CYP27A1: variants seen among roughly 807,000 people sequenced by gnomAD.
CYP27A1 encodes the protein cytochrome P450 family 27 subfamily A member 1, also known as sterol 26-hydroxylase, mitochondrial.
A neutral mutation model predicts 58.2 loss-of-function variants in CYP27A1; 46 were observed. That is an observed-to-expected ratio of 0.79 (90% confidence interval 0.62 to 1.01). CYP27A1 has a LOEUF of 1.01. Among genes scored for constraint, CYP27A1 ranks in the 50% least tolerant of loss-of-function variants. The probability of loss-of-function intolerance (pLI) is 0.00; values close to 1 mark genes in which losing one functional copy is unlikely to be tolerated. For synonymous variants in CYP27A1, 274 were observed against 285.1 expected (o/e 0.96, Z 0.39); for missense variants, 704 against 687.0 (o/e 1.02, Z -0.28).
intron 2 of CYP27A1, among the ~76,000 whole-genome samples, chr2:218,811,620 A>G (rs1443996413): frequency 3.9e-5 from 6 of 152,158 alleles, no homozygotes; most frequent in South Asian, 2.1e-4. Context: ...AGCCTACAGC[A>G]TCAGCCTCGT....
chr2:218,797,346 C>CTT (rs1943557359), intron 1 of CYP27A1, among the ~76,000 whole-genome samples: 1 of 152,152 alleles, frequency 6.6e-6, no homozygotes, highest in Admixed American at 6.5e-5. Flanking sequence ...GGTGACCCAC[C>CTT]TACCTTGCCT....
intron 1 of CYP27A1, among the ~76,000 whole-genome samples, chr2:218,805,549 C>G (rs184322684): frequency 6.6e-6 from 1 of 152,280 alleles, no homozygotes; most frequent in African/African-American, 2.4e-5. Context: ...GGCCCATGCA[C>G]TAGGATAAGA....
intron 1 of CYP27A1, among the ~76,000 whole-genome samples, chr2:218,793,558 T>C (rs1943516913): frequency 6.6e-6 from 1 of 152,102 alleles, no homozygotes; most frequent in Non-Finnish European, 1.5e-5. Flanking sequence ...CTACAGAAAA[T>C]TTTATCCAAA....
In CYP27A1 at chr2:218,814,569, G is replaced by A; in HGVS notation, c.1288G>A (p.Val430Met). The A allele has an allele frequency of 1.2e-6, 2 of 1,614,220 alleles. No individual in the cohort carries two copies. Among genetic ancestry groups the A allele is most frequent in the African/African-American group, 2.7e-5 (2 of 75,062 alleles). ...GACCCAGTTTGTGTTCTGCCACTAT[G>A]TGGTGTCCCGGGACCCCACTGCCTT... Reference protein sequence around the residue: ...KNTQFVFCHYVVSRDPTAFSE... With the variant: ...KNTQFVFCHYMVSRDPTAFSE... Residue 430 changes from valine to methionine, a missense_variant, in exon 8 of 9, where the codon GTG (valine) becomes ATG (methionine). By Grantham distance (21) the Val-to-Met change is conservative. Coordinates refer to ENST00000258415, the MANE Select transcript of CYP27A1 (RefSeq NM_000784.4).
Position 218,782,437 on chromosome 2 carries a change from G to A in CYP27A1, c.255G>A (p.Gln85=), listed in dbSNP as rs374941032. 12 of 1,614,088 alleles carry A rather than the reference G, an allele frequency of 7.4e-6. No individual in the cohort carries two copies. The highest frequency in any genetic ancestry group is 6.7e-5 in the African/African-American group (5 of 74,960). The change falls in exon 1 of 9, where the codon CAG becomes CAA. Residue 85 remains glutamine, a splice_region_variant and synonymous_variant. Transcript: ENST00000258415. This position sits in a 1 kb window ranked among gnomAD's most constrained non-coding sequence, Gnocchi z 4.1. The part of the protein sequence containing the change: ...QGYALQLHQL[Q]VLYKAKYGPM... ...ATGCCCTGCAACTGCACCAGTTACA[G>A]GTAACCCGCGGGGGCATCGCGTCCT...
Position 218,814,927 on chromosome 2 carries a change from A to G in CYP27A1, c.1493A>G (p.Lys498Arg). The G allele has an allele frequency of 1.2e-6, 2 of 1,614,224 alleles. No homozygotes were observed. The highest frequency in any genetic ancestry group is 1.7e-6 in the Non-Finnish European group (2 of 1,180,044). ...LLLARLIQKYKVVLAPETGEL... is the reference protein window; with the variant it reads ...LLLARLIQKYRVVLAPETGEL... ...ACCCCCCAGCTGATCCAGAAGTACAAGGTGGTCCTGGCCCCGGAGACGGGG... is the reference window on the plus strand; with the variant it reads ...ACCCCCCAGCTGATCCAGAAGTACAGGGTGGTCCTGGCCCCGGAGACGGGG... The change falls in exon 9 of 9, where the codon AAG (lysine) becomes AGG (arginine). Residue 498 changes from lysine (K) to arginine (R), a missense_variant. By Grantham distance (26) the Lys-to-Arg change is conservative. Coordinates refer to ENST00000258415, the MANE Select transcript of CYP27A1 (RefSeq NM_000784.4).
chr2:218,807,558 A>C (rs889408808), intron 1 of CYP27A1, among the ~76,000 whole-genome samples: 1 of 152,148 alleles, frequency 6.6e-6, no homozygotes, highest in African/African-American at 2.4e-5. Flanking sequence ...ATAGAACATG[A>C]TACACACTAA....
chr2:218,809,072 C>A (rs751468325), intron 1 of CYP27A1, among the ~76,000 whole-genome samples: 6 of 152,066 alleles, frequency 3.9e-5, no homozygotes, highest in Non-Finnish European at 7.3e-5. Context: ...CTTTCTCATC[C>A]AGCTTATTGT....
At chr2:218,797,714 C>G (rs1189139529) in intron 1 of CYP27A1, among the ~76,000 whole-genome samples, 1 of 152,122 alleles carries the variant, frequency 6.6e-6, no homozygotes, top group Admixed American at 6.5e-5. Flanking sequence ...ATTTATTTTG[C>G]CAAAATGATG....
At chr2:218,809,429 C>A (rs555727110) in intron 1 of CYP27A1, 148 bp from the exon 2 acceptor site, 11 of 698,106 alleles carry the variant, frequency 1.6e-5, no homozygotes, top group Admixed American at 7.8e-5. Context: ...GTGCCTACAT[C>A]ATACACAATG....
Position 218,811,097 on chromosome 2 carries a change from G to C in CYP27A1, c.447-1125G>C, listed in dbSNP as rs373255504. 3.7e-4 allele frequency among the ~76,000 whole-genome samples: 57 copies of C among 152,336 alleles called. No individual in the cohort carries two copies. In the South Asian group the frequency reaches 0.011, roughly 30 times the overall value. ...ACCTGGGAGGTGGAGGTTGCAGTGA[G>C]CTGAGTGGGTGACAGAGCGAGACTC... On this transcript the variant is annotated intron_variant, in intron 2 of 8. Transcript: ENST00000258415.
intron 1 of CYP27A1, among the ~76,000 whole-genome samples, chr2:218,796,331 G>A (rs552239469): frequency 1.9e-3 from 284 of 152,278 alleles, no homozygotes; most frequent in African/African-American, 6.7e-3. Context: ...AGTGGCTCAC[G>A]CCTGTAATCC....
chr2:218,812,334 A>G lies in CYP27A1; in HGVS notation c.559A>G (p.Thr187Ala). The change falls in exon 3 of 9, where the codon ACT becomes GCT. Residue 187 changes from threonine (T) to alanine (A), a missense_variant. Physicochemically the swap from Thr to Ala is moderately conservative, Grantham distance 58. Transcript: ENST00000258415. ...AFNEVIDDFM[T>A]RLDQLRAESA... Reference sequence around the variant, plus strand: ...CAATGAGGTGATTGATGACTTTATGACTCGACTGGACCAGCTGCGGGCAGA... The same window carrying G: ...CAATGAGGTGATTGATGACTTTATGGCTCGACTGGACCAGCTGCGGGCAGA... 1.9e-6 allele frequency: 3 copies of G among 1,614,066 alleles called. No homozygotes were observed.
chr2:218,789,047 T>G (rs1943466509), intron 1 of CYP27A1, among the ~76,000 whole-genome samples: 1 of 152,240 alleles, frequency 6.6e-6, no homozygotes, highest in African/African-American at 2.4e-5. Flanking sequence ...GTTATGCCAA[T>G]TTAGCAATTA....
At chr2:218,792,432 T>A (rs1005266479) in intron 1 of CYP27A1, among the ~76,000 whole-genome samples, 1 of 152,222 alleles carries the variant, frequency 6.6e-6, no homozygotes, top group African/African-American at 2.4e-5. Flanking sequence ...AGCAGTTTTA[T>A]AAACCAGTCA....
intron 1 of CYP27A1, among the ~76,000 whole-genome samples, chr2:218,803,226 T>C (rs1308549244): frequency 3.3e-5 from 5 of 152,244 alleles, no homozygotes; most frequent in Admixed American, 2.6e-4. Flanking sequence ...CCCAAAGTGC[T>C]GGTATAATGG....
intron 1 of CYP27A1, among the ~76,000 whole-genome samples, chr2:218,798,334 T>G (rs1228586962): frequency 6.6e-6 from 1 of 152,242 alleles, no homozygotes; most frequent in Non-Finnish European, 1.5e-5. Flanking sequence ...AAAATACATT[T>G]TGTTGTTCTT....
intron 1 of CYP27A1, among the ~76,000 whole-genome samples, chr2:218,804,158 CAG>C (rs945897841): frequency 6.6e-6 from 1 of 152,144 alleles, no homozygotes; most frequent in Non-Finnish European, 1.5e-5. Context: ...ATATTTTATT[CAG>C]AGTTTTATAG....
chr2:218,783,063 C>A (rs927681989), intron 1 of CYP27A1, among the ~76,000 whole-genome samples: 2 of 151,840 alleles, frequency 1.3e-5, no homozygotes, highest in Non-Finnish European at 2.9e-5. Context: ...TTGAGACCAG[C>A]CTGGCCAACA....
Sources: allele counts gnomAD v4.1 joint callset (sites outside exome capture counted in the v4.1 genomes callset), GRCh38; gene constraint gnomAD v4.1.1; non-coding constraint Gnocchi (gnomAD v3.1); transcripts MANE v1.5; gene names NCBI Gene and HGNC (gene_info 2026-07-23, HGNC 2026-07-21).